Variants in FLCN observed in about 807,000 individuals in gnomAD.
FLCN encodes the protein folliculin, also known as BHD skin lesion fibrofolliculoma protein.
In FLCN, 22 loss-of-function variants were observed where a neutral mutation model predicts 62.5. The ratio of observed to expected loss-of-function variants is 0.35; its 90% CI spans 0.25 to 0.50. The LOEUF is 0.50. FLCN is among the 20% of genes least tolerant of loss of function. The pLI is 0.97. For missense variants in FLCN, 657 were observed against 778.0 expected, an observed-to-expected ratio of 0.84 and a Z score of 1.85; for synonymous variants, 319 against 310.0, an observed-to-expected ratio of 1.03 and a Z score of -0.30.
rs2145045849 is a variant in FLCN at position 17,228,008 on chromosome 17, G to C, written c.130C>G (p.Gln44Glu). The C allele has an allele frequency of 6.2e-7, 1 of 1,614,016 alleles. No individual in the cohort carries two copies. The highest frequency in any genetic ancestry group is 1.1e-5 in the South Asian group (1 of 91,084). ...ATGCCACCTTCCTCTTCTTCCGCCT[G>C]CTCACCCTGGCCAGGACTGTCCTCA... ...GNEDSPGQGE[Q>E]AEEEEGGIQM... Residue 44 changes from glutamine (Q) to glutamate (E), a missense_variant, in exon 4 of 14, where the codon CAG (glutamine) becomes GAG (glutamate). Gln to Glu is a conservative substitution (Grantham distance 29, BLOSUM62 2). Coordinates refer to ENST00000285071, the MANE Select transcript of FLCN (RefSeq NM_144997.7).
At chr17:17,233,472 G>A (rs183614982) in intron 1 of FLCN, among the ~76,000 whole-genome samples, 115 of 151,498 alleles carry the variant, frequency 7.6e-4, no homozygotes, top group African/African-American at 2.6e-3. Flanking sequence ...GGTGACAGGC[G>A]CCTATAGTCC....
intron 1 of FLCN, among the ~76,000 whole-genome samples, chr17:17,233,195 G>A (rs992152654): frequency 6.6e-6 from 1 of 152,132 alleles, no homozygotes; most frequent in African/African-American, 2.4e-5. Flanking sequence ...GCTCATGCTT[G>A]TAATCCCAAC....
Position 17,231,171 on chromosome 17 carries a change from G to C in FLCN, c.-25+623C>G, listed in dbSNP as rs192645700. On this transcript the variant is annotated intron_variant, in intron 3 of 13. Coordinates refer to ENST00000285071, the MANE Select transcript of FLCN (RefSeq NM_144997.7). Reference sequence around the variant, plus strand: ...GCCAAGACTGCGCAACTGCAGTCCAGCCTGGGCGACAGAGAGACTCCGTCT... The same window carrying C: ...GCCAAGACTGCGCAACTGCAGTCCACCCTGGGCGACAGAGAGACTCCGTCT... Among the ~76,000 whole-genome samples, 7 of 152,332 alleles carry C rather than the reference G, an allele frequency of 4.6e-5. No homozygotes were observed. In the East Asian group the frequency reaches 1.3e-3, roughly 29 times the overall value.
rs1187982450 is a variant in FLCN at position 17,219,183 on chromosome 17, C to G, written c.898G>C (p.Asp300His). ...TCCTCCTCTTCAGCCTCAGAGTTGT[C>G]CCAGCTTTCTGATTCCTCTTCTAAA... ...ADLEEESESW[D>H]NSEAEEEEKA... The change falls in exon 9 of 14, where the codon GAC becomes CAC. Residue 300 changes from aspartate to histidine, a missense_variant. Coordinates refer to ENST00000285071, the MANE Select transcript of FLCN (RefSeq NM_144997.7). 6.2e-7 allele frequency: 1 copy of G among 1,614,160 alleles called. No homozygotes were observed. The highest frequency in any genetic ancestry group is 8.5e-7 in the Non-Finnish European group (1 of 1,180,044).
intron 13 of FLCN, 102 bp from the exon 14 acceptor site, chr17:17,213,958 G>A (rs2046827950): frequency 2.4e-6 from 3 of 1,268,808 alleles, no homozygotes; most frequent in Admixed American, 1.7e-5. Flanking sequence ...ACCAGCAGGA[G>A]CTGTGCAGGC....
chr17:17,222,400 A>T (rs2047118720), intron 7 of FLCN, 101 bp downstream of exon 7: 5 of 1,545,220 alleles, frequency 3.2e-6, no homozygotes, highest in Non-Finnish European at 4.4e-6. Flanking sequence ...CAGCAAGCAA[A>T]CACGGCTAAG....
chr17:17,216,291 C>T lies in FLCN; in HGVS notation c.1300+89G>A. The T allele has an allele frequency of 1.3e-6, 2 of 1,579,608 alleles. No individual in the cohort carries two copies. Among genetic ancestry groups the T allele is most frequent in the Non-Finnish European group, 1.7e-6 (2 of 1,161,152 alleles). On this transcript the variant is annotated intron_variant, in intron 11 of 13. Transcript: ENST00000285071. The surrounding 1 kb of genome is among the most constrained non-coding windows in gnomAD (Gnocchi z 4.0). ...CTGCAATGAGGCCTCCTCTCCACAA[C>T]CCATGACAGAGATCTGGTTCCACTT... is the stretch of plus-strand genomic sequence containing the variant.
chr17:17,222,914 A>C, intron 6 of FLCN: 1 of 516,090 alleles, frequency 1.9e-6, no homozygotes, highest in Admixed American at 2.8e-5. Context: ...TGAGTGACCC[A>C]AGGCACCCAG....
chr17:17,219,425 G>A (rs2047023157), intron 8 of FLCN: 1 of 588,562 alleles, frequency 1.7e-6, no homozygotes. Flanking sequence ...TCTCTTAGAA[G>A]CACTTATGGA....
At chr17:17,221,653 A>C in intron 7 of FLCN, 25 bp from the exon 8 acceptor site, 10 of 1,601,910 alleles carry the variant, frequency 6.2e-6, no homozygotes, top group Non-Finnish European at 8.5e-6. Flanking sequence ...ACCAGCTATG[A>C]GCGTTCTCGC....
In FLCN at chr17:17,212,242, ATGT is replaced by A; in HGVS notation, c.*1410_*1412del. ...AAAAATACATCTTTATTGTGTTCCA[ATGT>A]TGTTGCATTATACAGATACCTAGTT... is the stretch of plus-strand genomic sequence containing the variant. On this transcript the variant is annotated 3_prime_UTR_variant, in exon 14 of 14. Coordinates refer to ENST00000285071, the MANE Select transcript of FLCN (RefSeq NM_144997.7). 5.9e-6 allele frequency: 1 copy of A among 170,094 alleles called. No individual in the cohort carries two copies. 10.5% of individuals were successfully genotyped at this position (170,094 alleles called of 1,614,324 possible).
In FLCN at chr17:17,219,142, C is replaced by A. The variant is rs558365108; in HGVS notation, c.939G>T (p.Leu313Phe). 1 of 1,614,220 alleles carries A rather than the reference C, an allele frequency of 6.2e-7. No homozygotes were observed. Among genetic ancestry groups the A allele is most frequent in the Non-Finnish European group, 8.5e-7 (1 of 1,180,042 alleles). The change falls in exon 9 of 14, where the codon TTG becomes TTT. Residue 313 changes from leucine (L) to phenylalanine (F), a missense_variant. Transcript: ENST00000285071. Reference sequence around the variant, plus strand: ...GCTCCCGCCCTTCTGTACTCTCTGGCAACACAGGGGCTTTCTCCTCCTCTT... The same window carrying A: ...GCTCCCGCCCTTCTGTACTCTCTGGAAACACAGGGGCTTTCTCCTCCTCTT... ...EAEEEEKAPV[L>F]PESTEGRELT...
intron 3 of FLCN, among the ~76,000 whole-genome samples, chr17:17,230,913 T>A (rs2047401868): frequency 6.6e-6 from 1 of 151,670 alleles, no homozygotes; most frequent in African/African-American, 2.4e-5. Flanking sequence ...ATTAAATAAA[T>A]AGGCTGAGTG....
At chr17:17,215,845 TC>T (rs1442037106) in intron 11 of FLCN, among the ~76,000 whole-genome samples, 1 of 151,968 alleles carries the variant, frequency 6.6e-6, no homozygotes, top group Non-Finnish European at 1.5e-5. Flanking sequence ...CTGGGGGAAG[TC>T]ACTGATGAGC....
intron 2 of FLCN, among the ~76,000 whole-genome samples, chr17:17,232,384 A>G (rs2047450070): frequency 6.6e-6 from 1 of 152,212 alleles, no homozygotes; most frequent in Non-Finnish European, 1.5e-5. Context: ...TGTTAGATAA[A>G]TGAGAGGACT....
chr17:17,221,332 A>G (rs954495126), intron 8 of FLCN: 4 of 1,562,790 alleles, frequency 2.6e-6, no homozygotes, highest in Non-Finnish European at 3.5e-6. Flanking sequence ...ATTCTTTCAC[A>G]TGGCGGTCAA....
At chr17:17,228,277 G>T in intron 3 of FLCN, 116 bp from the exon 4 acceptor site, 1 of 1,317,702 alleles carries the variant, frequency 7.6e-7, no homozygotes, top group Admixed American at 2.3e-5. Flanking sequence ...GCCCAGGAGA[G>T]GCCACCCGCC....
intron 3 of FLCN, among the ~76,000 whole-genome samples, chr17:17,230,762 G>A (rs1380313817): frequency 2.0e-5 from 3 of 151,402 alleles, no homozygotes; most frequent in Non-Finnish European, 2.9e-5. Flanking sequence ...GAGTGGTGGC[G>A]CACGCTTGTA....
chr17:17,224,591 A>G (rs1022601778), intron 5 of FLCN: 10 of 302,460 alleles, frequency 3.3e-5, no homozygotes, highest in African/African-American at 2.2e-4. Flanking sequence ...GCTGGAATGC[A>G]GTGGTGTGAT....
Sources: allele counts gnomAD v4.1 joint callset (sites outside exome capture counted in the v4.1 genomes callset), GRCh38; gene constraint gnomAD v4.1.1; non-coding constraint Gnocchi (gnomAD v3.1); transcripts MANE v1.5; gene names NCBI Gene and HGNC (gene_info 2026-07-23, HGNC 2026-07-21).